The following ARHGAP35 variants were observed in gnomAD, a reference collection of about 807,000 sequenced individuals.
ARHGAP35 encodes rho GTPase-activating protein 35.
A neutral mutation model predicts 111.1 loss-of-function variants in ARHGAP35; 15 were observed. The observed-to-expected ratio is 0.13, with a 90% CI of 0.09 to 0.21. The LOEUF (loss-of-function observed/expected upper bound fraction) is 0.21, where lower values mean the gene tolerates loss of function less well. Among genes scored for constraint, ARHGAP35 ranks in the 10% least tolerant of loss-of-function variants. The pLI is 1.00. For missense variants in ARHGAP35, 1,262 were observed against 1,873.0 expected, an observed-to-expected ratio of 0.67 and a Z score of 6.02; for synonymous variants, 643 against 710.3, an observed-to-expected ratio of 0.91 and a Z score of 1.51.
intron 1 of ARHGAP35, among the ~76,000 whole-genome samples, chr19:46,892,468 CAAAAAAAAA>C (rs982546554): frequency 2.5e-4 from 17 of 67,120 alleles, no homozygotes; most frequent in Non-Finnish European, 3.0e-4. Flanking sequence ...AACCCTGTCT[CAAAAAAAAA>C]AAAAAAAAAA....
chr19:46,906,342 T>C (rs532734155), intron 1 of ARHGAP35, among the ~76,000 whole-genome samples: 55 of 152,112 alleles, frequency 3.6e-4, no homozygotes, highest in South Asian at 2.1e-3. Context: ...AAATTGGACT[T>C]GCTCTCTTGA....
At chr19:46,874,519 T>A (rs899045481) in intron 1 of ARHGAP35, among the ~76,000 whole-genome samples, 2 of 149,848 alleles carry the variant, frequency 1.3e-5, no homozygotes, top group Non-Finnish European at 3.0e-5. Flanking sequence ...TTTTTTTTTT[T>A]TTGAGTCGGA....
intron 1 of ARHGAP35, among the ~76,000 whole-genome samples, chr19:46,898,181 G>A (rs1308691536): frequency 6.6e-6 from 1 of 150,870 alleles, no homozygotes; most frequent in African/African-American, 2.4e-5. Context: ...GGCAGAGGTT[G>A]AAGTGAGCCG....
In ARHGAP35 at chr19:46,999,728, G is replaced by A. The variant is rs1174762928; in HGVS notation, c.4142+319G>A. On this transcript the variant is annotated intron_variant, in intron 6 of 6. Coordinates refer to ENST00000672722, the MANE Select transcript of ARHGAP35 (RefSeq NM_004491.5). The surrounding 1 kb of genome is among the most constrained non-coding windows in gnomAD (Gnocchi z 5.4). ...CTGTGTCCCAAAGCTGGCAGAGAGA[G>A]AAGATCTTCTGGTTGGTACTGATGC... The A allele has an allele frequency of 2.8e-6, 1 of 351,994 alleles. No homozygotes were observed. Among genetic ancestry groups the A allele is most frequent in the Non-Finnish European group, 5.2e-6 (1 of 192,724 alleles). The allele number at this position is 351,994 out of a possible 1,614,324, so 21.8% of individuals were successfully genotyped here. A position where few individuals can be genotyped will look rare whatever the true frequency, so the allele number is the denominator to read the frequency against.
rs80056786 is a variant in ARHGAP35, at chr19:46,881,886, T to A, written c.-189+20677T>A. Among the ~76,000 whole-genome samples, 191 of 152,312 alleles carry A rather than the reference T, an allele frequency of 1.3e-3. 2 individuals carry two copies. In the East Asian group the frequency reaches 0.036, roughly 29 times the overall value. Reference sequence around the variant, plus strand: ...AGGTGGGCTAGGTCTTCTAGATGACTTGCTGCAGCTTCTCCGTCAGCACTT... The same window carrying A: ...AGGTGGGCTAGGTCTTCTAGATGACATGCTGCAGCTTCTCCGTCAGCACTT... On this transcript the variant is annotated intron_variant, in intron 1 of 6. Coordinates refer to ENST00000672722, the MANE Select transcript of ARHGAP35 (RefSeq NM_004491.5).
In ARHGAP35 at chr19:46,920,765, C is replaced by A; in HGVS notation, c.2090C>A (p.Pro697His). ...GRRDNHLVHL[P>H]LTLILVNKRG... is the part of the protein sequence containing the mutation. The stretch of plus-strand genomic sequence containing the variant: ...CGGGATAATCATTTAGTCCATCTCC[C>A]CCTTACATTAATTTTGGTTAACAAG... The change falls in exon 2 of 7, where the codon CCC becomes CAC. Residue 697 changes from proline to histidine, a missense_variant. Physicochemically the swap from Pro to His is moderately conservative, Grantham distance 77. Transcript: ENST00000672722. This position sits in a 1 kb window ranked among gnomAD's most constrained non-coding sequence, Gnocchi z 7.0. The A allele has an allele frequency of 6.2e-7, 1 of 1,609,536 alleles. No individual in the cohort carries two copies. The highest frequency in any genetic ancestry group is 1.1e-5 in the South Asian group (1 of 90,602).
intron 3 of ARHGAP35, among the ~76,000 whole-genome samples, chr19:46,976,358 G>A (rs139049049): frequency 9.2e-5 from 14 of 152,230 alleles, no homozygotes; most frequent in African/African-American, 3.4e-4. Flanking sequence ...GCCTGTTCCA[G>A]ATAAGCAGGG....
intron 1 of ARHGAP35, among the ~76,000 whole-genome samples, chr19:46,870,711 C>G (rs1212099002): frequency 6.6e-6 from 1 of 152,082 alleles, no homozygotes; most frequent in African/African-American, 2.4e-5. Flanking sequence ...TTGGCATGTA[C>G]CTAGTAGTAG....
chr19:46,877,101 T>C (rs2055927862), intron 1 of ARHGAP35, among the ~76,000 whole-genome samples: 1 of 147,832 alleles, frequency 6.8e-6, no homozygotes, highest in Admixed American at 6.8e-5. Flanking sequence ...AATACAAAAT[T>C]AGTCAGGCGT....
Position 46,992,627 on chromosome 19 carries a change from G to A in ARHGAP35, c.4036+2952G>A, listed in dbSNP as rs2056685318. ...CTATGGCTTTTGTGCTGGAAGGGGTGCTAGAGCTGGCTCCGTCTCAAGCCA... is the reference window on the plus strand; with the variant it reads ...CTATGGCTTTTGTGCTGGAAGGGGTACTAGAGCTGGCTCCGTCTCAAGCCA... On this transcript the variant is annotated intron_variant, in intron 5 of 6. Transcript: ENST00000672722. This position sits in a 1 kb window ranked among gnomAD's most constrained non-coding sequence, Gnocchi z 4.4. Among the ~76,000 whole-genome samples, 1 of 152,168 alleles carries A rather than the reference G, an allele frequency of 6.6e-6. No individual in the cohort carries two copies. Among genetic ancestry groups the A allele is most frequent in the Non-Finnish European group, 1.5e-5 (1 of 68,026 alleles).
intron 1 of ARHGAP35, among the ~76,000 whole-genome samples, chr19:46,861,907 G>C: frequency 8.7e-6 from 1 of 114,432 alleles, no homozygotes. Context: ...GTTCCCTCGT[G>C]GGCCCTACTA....
At chr19:46,937,878 G>T (rs2056319269) in intron 3 of ARHGAP35, among the ~76,000 whole-genome samples, 1 of 152,168 alleles carries the variant, frequency 6.6e-6, no homozygotes, top group Non-Finnish European at 1.5e-5. Flanking sequence ...TGTATTGATA[G>T]GATTTTTTTC....
In ARHGAP35 at chr19:46,926,200, G is replaced by A. The variant is rs562521587; in HGVS notation, c.3681+3844G>A. ...AGGTCTTTACTATAAAACTGGAGTC[G>A]GAGTGAGGGAATCGCTTTCATTTCT... is the stretch of plus-strand genomic sequence containing the variant. On this transcript the variant is annotated intron_variant, in intron 2 of 6. Coordinates refer to ENST00000672722, the MANE Select transcript of ARHGAP35 (RefSeq NM_004491.5). This position sits in a 1 kb window ranked among gnomAD's most constrained non-coding sequence, Gnocchi z 4.1. Among the ~76,000 whole-genome samples the A allele has an allele frequency of 2.3e-4, 35 of 152,252 alleles. No individual in the cohort carries two copies. Among genetic ancestry groups the A allele is most frequent in the African/African-American group, 2.9e-4 (12 of 41,526 alleles).
At chr19:46,872,319 ACT>A (rs2055891916) in intron 1 of ARHGAP35, among the ~76,000 whole-genome samples, 1 of 152,046 alleles carries the variant, frequency 6.6e-6, no homozygotes, top group East Asian at 1.9e-4. Flanking sequence ...TTATTAGTTA[ACT>A]CTGTGTTGTA....
chr19:47,001,486 G>A lies in ARHGAP35; in HGVS notation c.*798G>A. The A allele has an allele frequency of 9.4e-7, 1 of 1,058,326 alleles. No homozygotes were observed. The highest frequency in any genetic ancestry group is 1.3e-6 in the Non-Finnish European group (1 of 786,034). The allele number at this position is 1,058,326 out of a possible 1,614,324, so 65.6% of individuals were successfully genotyped here. ...CCCGCCTCTGCCGGGAGGGAGGGAG[G>A]CACACAGGTGGAGCTGACCCTCGTC... On this transcript the variant is annotated 3_prime_UTR_variant, in exon 7 of 7. Coordinates refer to ENST00000672722, the MANE Select transcript of ARHGAP35 (RefSeq NM_004491.5). The surrounding 1 kb of genome is among the most constrained non-coding windows in gnomAD (Gnocchi z 5.4).
intron 2 of ARHGAP35, among the ~76,000 whole-genome samples, chr19:46,923,320 T>A (rs1487959744): frequency 2.6e-5 from 4 of 152,010 alleles, no homozygotes; most frequent in Non-Finnish European, 5.9e-5. Context: ...TTCACCGTGT[T>A]AGCCAGGATG....
At chr19:46,948,027 G>C (rs941455550) in intron 3 of ARHGAP35, 2 of 152,224 alleles carry the variant, frequency 1.3e-5, no homozygotes, top group Non-Finnish European at 2.9e-5. Context: ...TCTGAACCCT[G>C]TCCTCTTGGG....
At chr19:46,885,114 G>A (rs1279196791) in intron 1 of ARHGAP35, among the ~76,000 whole-genome samples, 1 of 152,158 alleles carries the variant, frequency 6.6e-6, no homozygotes, top group East Asian at 1.9e-4. Context: ...GACATAATTG[G>A]AAGGTGTTTC....
chr19:46,983,687 C>T (rs190435765), intron 3 of ARHGAP35, among the ~76,000 whole-genome samples: 28 of 142,330 alleles, frequency 2.0e-4, no homozygotes, highest in African/African-American at 6.5e-4. Flanking sequence ...GATCTCAGCT[C>T]ACCGCAAGCT....
Sources: allele counts gnomAD v4.1 joint callset (sites outside exome capture counted in the v4.1 genomes callset), GRCh38; gene constraint gnomAD v4.1.1; non-coding constraint Gnocchi (gnomAD v3.1); transcripts MANE v1.5; gene names NCBI Gene and HGNC (gene_info 2026-07-23, HGNC 2026-07-21).